Variants in CNNM2 observed in about 807,000 individuals in gnomAD.
The protein encoded by CNNM2 is metal transporter CNNM2.
Under a neutral mutation model 66.9 loss-of-function variants are expected in CNNM2, and 12 were observed. The observed-to-expected ratio is 0.18, with a 90% CI of 0.11 to 0.29. The LOEUF is 0.29. Among genes scored for constraint, CNNM2 ranks in the 10% least tolerant of loss-of-function variants. The pLI, the probability that CNNM2 is intolerant of heterozygous loss-of-function variation, is 1.00. For missense variants in CNNM2, 705 were observed against 1,167.7 expected (o/e 0.60, Z 5.77); for synonymous variants, 557 against 501.8 (o/e 1.11, Z -1.47).
rs1320394463 is a variant in CNNM2 at position 103,083,121 on chromosome 10, A to G, written c.*5941A>G. 1 of 152,036 alleles carries G rather than the reference A, an allele frequency of 6.6e-6. No individual in the cohort carries two copies. Among genetic ancestry groups the G allele is most frequent in the African/African-American group, 2.4e-5 (1 of 41,372 alleles). 9.4% of individuals were successfully genotyped at this position (152,036 alleles called of 1,614,324 possible). On this transcript the variant is annotated 3_prime_UTR_variant, in exon 8 of 8. Coordinates refer to ENST00000369878, the MANE Select transcript of CNNM2 (RefSeq NM_017649.5). ...CTTTGATCCTCCTCAGCCTTTATTC[A>G]CTGTATCATAGTGTACAGGTCATGC...
intron 1 of CNNM2, among the ~76,000 whole-genome samples, chr10:103,022,061 T>C (rs1445711620): frequency 6.6e-6 from 1 of 152,200 alleles, no homozygotes; most frequent in African/African-American, 2.4e-5. Flanking sequence ...GAAAGCGTCA[T>C]AGGAATTTCA....
chr10:103,020,795 C>T (rs58289149), intron 1 of CNNM2, among the ~76,000 whole-genome samples: 3 of 72,772 alleles, frequency 4.1e-5, no homozygotes, highest in Non-Finnish European at 9.7e-5. Flanking sequence ...GGGCGAAGGG[C>T]GCATGAGGGT....
chr10:103,000,282 T>TAAAA (rs1358909517), intron 1 of CNNM2, among the ~76,000 whole-genome samples: 1 of 140,542 alleles, frequency 7.1e-6, no homozygotes. Flanking sequence ...AATAAATAAA[T>TAAAA]AAAATGGAAT....
chr10:103,066,122 T>C (rs2065472783), intron 4 of CNNM2, among the ~76,000 whole-genome samples: 1 of 152,166 alleles, frequency 6.6e-6, no homozygotes, highest in South Asian at 2.1e-4. Context: ...TGACCGTCCT[T>C]GCCCCTGGAA....
At chr10:102,945,353 C>G (rs1846577707) in intron 1 of CNNM2, among the ~76,000 whole-genome samples, 1 of 152,074 alleles carries the variant, frequency 6.6e-6, no homozygotes, top group Non-Finnish European at 1.5e-5. Context: ...TTTCCTGATT[C>G]TTATCTAGTG....
chr10:102,960,823 G>A (rs970527193), intron 1 of CNNM2, among the ~76,000 whole-genome samples: 25 of 125,698 alleles, frequency 2.0e-4, no homozygotes, highest in African/African-American at 6.1e-4. Context: ...GTCCTGCTCC[G>A]TCGCCCAGGT....
chr10:103,057,212 C>G (rs1000666046), intron 4 of CNNM2, among the ~76,000 whole-genome samples: 1 of 152,182 alleles, frequency 6.6e-6, no homozygotes, highest in African/African-American at 2.4e-5. Context: ...ACATACCTGT[C>G]ATTCCACCAC....
At chr10:103,062,451 A>G (rs2065403660) in intron 4 of CNNM2, among the ~76,000 whole-genome samples, 1 of 152,208 alleles carries the variant, frequency 6.6e-6, no homozygotes. Flanking sequence ...AAGCACAGAT[A>G]ACACACCCAT....
intron 1 of CNNM2, among the ~76,000 whole-genome samples, chr10:102,989,221 A>G (rs931986727): frequency 1.3e-5 from 2 of 152,214 alleles, no homozygotes; most frequent in Non-Finnish European, 2.9e-5. Flanking sequence ...CAGGATGAGC[A>G]GGGGAAACTT....
intron 1 of CNNM2, among the ~76,000 whole-genome samples, chr10:102,985,841 T>C (rs933804996): frequency 2.6e-5 from 4 of 152,214 alleles, no homozygotes; most frequent in African/African-American, 7.2e-5. Flanking sequence ...GAATGGGCCC[T>C]GCCAACTGAG....
chr10:103,089,323 C>CCACTCTGAGACTCTTTCCTT lies in CNNM2; in HGVS notation c.*12144_*12163dup. The CCACTCTGAGACTCTTTCCTT allele has an allele frequency of 4.0e-6, 1 of 248,286 alleles. No individual in the cohort carries two copies. The highest frequency in any genetic ancestry group is 1.6e-4 in the South Asian group (1 of 6,394). The allele number at this position is 248,286 out of a possible 1,614,324, so 15.4% of individuals were successfully genotyped here. The stretch of plus-strand genomic sequence containing the variant: ...AGATCACCTCTTCCCACTCTTTGTT[C>CCACTCTGAGACTCTTTCCTT]CACTCTGAGACTCTTTCCTTTTCCT... On this transcript the variant is annotated 3_prime_UTR_variant, in exon 8 of 8. Transcript: ENST00000369878.
chr10:103,063,453 G>A (rs754709839), intron 4 of CNNM2, among the ~76,000 whole-genome samples: 13 of 152,238 alleles, frequency 8.5e-5, no homozygotes, highest in South Asian at 2.1e-4. Context: ...GGGAAGTCCC[G>A]CCTTGAGCCG....
chr10:103,023,340 G>C (rs1361214612), intron 1 of CNNM2, among the ~76,000 whole-genome samples: 2 of 152,130 alleles, frequency 1.3e-5, no homozygotes, highest in Admixed American at 1.3e-4. Context: ...ATCACCTGAG[G>C]TCAGGAGTTC....
Position 103,083,550 on chromosome 10 carries a change from T to C in CNNM2, c.*6370T>C, listed in dbSNP as rs928888148. ...ATGACAACATAGAAGAGCATCTTCT[T>C]TGGACAGTGTAAAGTCTTAAGAGAA... On this transcript the variant is annotated 3_prime_UTR_variant, in exon 8 of 8. Coordinates refer to ENST00000369878, the MANE Select transcript of CNNM2 (RefSeq NM_017649.5). The C allele has an allele frequency of 6.6e-6, 1 of 152,198 alleles. No individual in the cohort carries two copies. The highest frequency in any genetic ancestry group is 2.4e-5 in the African/African-American group (1 of 41,454). The allele number at this position is 152,198 out of a possible 1,614,324, so 9.4% of individuals were successfully genotyped here. A position where few individuals can be genotyped will look rare whatever the true frequency, so the allele number is the denominator to read the frequency against.
At chr10:103,019,393 G>A (rs2134283254) in intron 1 of CNNM2, among the ~76,000 whole-genome samples, 2 of 152,278 alleles carry the variant, frequency 1.3e-5, no homozygotes, top group Non-Finnish European at 2.9e-5. Context: ...CTAATTTGGA[G>A]CATGTGGAAG....
At chr10:102,951,860 A>G (rs893611117) in intron 1 of CNNM2, among the ~76,000 whole-genome samples, 9 of 151,370 alleles carry the variant, frequency 5.9e-5, no homozygotes, top group African/African-American at 1.5e-4. Flanking sequence ...CTGGAGTGCA[A>G]TGGCACAATC....
chr10:102,934,673 A>G (rs1053319139), intron 1 of CNNM2, among the ~76,000 whole-genome samples: 1 of 152,000 alleles, frequency 6.6e-6, no homozygotes, highest in Non-Finnish European at 1.5e-5. Flanking sequence ...CAGAAAGACT[A>G]GCTAATATCT....
intron 4 of CNNM2, 116 bp downstream of exon 4, chr10:103,057,080 A>G: frequency 1.1e-6 from 1 of 935,840 alleles, no homozygotes; most frequent in Non-Finnish European, 1.6e-6. Context: ...GGGTAGCCTT[A>G]GACATGGGAG....
At chr10:103,020,543 G>T (rs1320863352) in intron 1 of CNNM2, among the ~76,000 whole-genome samples, 1 of 151,980 alleles carries the variant, frequency 6.6e-6, no homozygotes, top group East Asian at 1.9e-4. Context: ...TTAAGCTTTG[G>T]GAATACAACA....
Sources: allele counts gnomAD v4.1 joint callset (sites outside exome capture counted in the v4.1 genomes callset), GRCh38; gene constraint gnomAD v4.1.1; transcripts MANE v1.5; gene names NCBI Gene and HGNC (gene_info 2026-07-23, HGNC 2026-07-21).